The following PKD1L1 variants were observed in gnomAD, a reference collection of about 807,000 sequenced individuals.
The protein encoded by PKD1L1 is polycystin 1 like 1, transient receptor potential channel interacting.
PKD1L1 carries 236 observed loss-of-function variants against 323.4 expected under a neutral mutation model. The observed-to-expected ratio is 0.73, with a 90% CI of 0.66 to 0.81. The LOEUF is 0.81. Ranked by LOEUF, PKD1L1 falls within the 40% of genes least tolerant of loss-of-function variation. PKD1L1 has a pLI of 0.00. For missense variants in PKD1L1, 3,320 were observed against 3,508.0 expected, an observed-to-expected ratio of 0.95 and a Z score of 1.35; for synonymous variants, 1,344 against 1,335.0, an observed-to-expected ratio of 1.01 and a Z score of -0.15.
intron 56 of PKD1L1, among the ~76,000 whole-genome samples, chr7:47,779,796 G>T (rs1282315834): frequency 2.0e-5 from 3 of 152,192 alleles, no homozygotes; most frequent in Non-Finnish European, 4.4e-5. Context: ...CAGAAGCTCA[G>T]ATGCCTTCAT....
At chr7:47,927,516 G>A (rs574898524) in intron 7 of PKD1L1, among the ~76,000 whole-genome samples, 1 of 151,992 alleles carries the variant, frequency 6.6e-6, no homozygotes, top group South Asian at 2.1e-4. Flanking sequence ...CACCCGCCTC[G>A]GTCTCCCAAA....
intron 26 of PKD1L1, among the ~76,000 whole-genome samples, chr7:47,863,791 G>A (rs1234016157): frequency 6.6e-6 from 1 of 152,118 alleles, no homozygotes; most frequent in Non-Finnish European, 1.5e-5. Flanking sequence ...AGAAGGCCGA[G>A]GTGGGAGGAT....
In PKD1L1 at chr7:47,890,651, G is replaced by A. The variant is rs1212018196; in HGVS notation, c.2566C>T (p.Leu856Phe). The A allele has an allele frequency of 1.2e-6, 2 of 1,614,130 alleles. No individual in the cohort carries two copies. Among genetic ancestry groups the A allele is most frequent in the Non-Finnish European group, 1.7e-6 (2 of 1,180,028 alleles). The change falls in exon 16 of 57, where the codon CTC becomes TTC. Residue 856 changes from leucine to phenylalanine, a missense_variant. Physicochemically the swap from Leu to Phe is conservative, Grantham distance 22. Transcript: ENST00000289672. ...APTVSFEAQWLSDSYDQFLVM... is the reference protein window; with the variant it reads ...APTVSFEAQWFSDSYDQFLVM... Reference sequence around the variant, plus strand: ...AGGAACTGATCATAGCTGTCACTGAGCCATTGTGCCTCAAAGGAAACAGTG... The same window carrying A: ...AGGAACTGATCATAGCTGTCACTGAACCATTGTGCCTCAAAGGAAACAGTG...
intron 24 of PKD1L1, among the ~76,000 whole-genome samples, chr7:47,869,949 C>T (rs570315053): frequency 1.3e-5 from 2 of 152,022 alleles, no homozygotes; most frequent in African/African-American, 2.4e-5. Flanking sequence ...TGGAAAATTA[C>T]AAATATGTAA....
chr7:47,929,363 CCACTT>C lies in PKD1L1; in HGVS notation c.896_900del (p.Glu299GlyfsTer33). 1 of 1,614,184 alleles carries C rather than the reference CCACTT, an allele frequency of 6.2e-7. No individual in the cohort carries two copies. The highest frequency in any genetic ancestry group is 8.5e-7 in the Non-Finnish European group (1 of 1,180,036). On this transcript the variant is annotated frameshift_variant, in exon 7 of 57. Transcript: ENST00000289672. LOFTEE classifies it high-confidence loss of function. The stretch of plus-strand genomic sequence containing the variant: ...CCCAGATTTGGAGGTGCCCGAGCTT[CCACTT>C]CCAGGGAGCAATTAAGAACAGGGTT...
chr7:47,885,011 GA>G (rs1383587606), intron 18 of PKD1L1, among the ~76,000 whole-genome samples: 1 of 152,166 alleles, frequency 6.6e-6, no homozygotes, highest in African/African-American at 2.4e-5. Flanking sequence ...TTCTTTTAGA[GA>G]AAATGTCTCA....
At chr7:47,922,431 C>T (rs1787564834) in intron 7 of PKD1L1, among the ~76,000 whole-genome samples, 1 of 151,290 alleles carries the variant, frequency 6.6e-6, no homozygotes, top group Non-Finnish European at 1.5e-5. Flanking sequence ...GTGAGGAGCA[C>T]CTCTTCCCGG....
chr7:47,917,886 G>A (rs1787461318), intron 7 of PKD1L1, among the ~76,000 whole-genome samples: 1 of 151,806 alleles, frequency 6.6e-6, no homozygotes, highest in Non-Finnish European at 1.5e-5. Context: ...AAATCTCACA[G>A]GACCTATAAA....
At chr7:47,815,522 A>G (rs900000310) in intron 46 of PKD1L1, 65 bp from the exon 47 acceptor site, 45 of 1,548,770 alleles carry the variant, frequency 2.9e-5, no homozygotes, top group Non-Finnish European at 4.0e-5. Context: ...ACGTGAGAAC[A>G]AAAGCATGTT....
In PKD1L1 at chr7:47,881,964, A is replaced by C. The variant is rs1786563880; in HGVS notation, c.3387T>G (p.Ile1129Met). Residue 1129 changes from isoleucine to methionine, a missense_variant, in exon 20 of 57, where the codon ATT (isoleucine) becomes ATG (methionine). Physicochemically the swap from Ile to Met is conservative, Grantham distance 10. Transcript: ENST00000289672. ...GACCCAGCAGGGCCTTGGGCCAGTC[A>C]ATCATGAGGACAGGCTCGGCTCTGC... ...SAGRAEPVLM[I>M]DWPKALLGRA... 1 of 1,613,664 alleles carries C rather than the reference A, an allele frequency of 6.2e-7. No homozygotes were observed. The highest frequency in any genetic ancestry group is 1.7e-5 in the Admixed American group (1 of 59,852).
intron 56 of PKD1L1, among the ~76,000 whole-genome samples, chr7:47,790,386 A>G (rs1700663543): frequency 6.6e-6 from 1 of 151,064 alleles, no homozygotes. Flanking sequence ...CTGGAGGTGC[A>G]GTGGCACAAT....
Position 47,890,613 on chromosome 7 carries a change from C to T in PKD1L1, c.2604G>A (p.Arg868=), listed in dbSNP as rs780124331. The T allele has an allele frequency of 3.7e-5, 60 of 1,614,046 alleles. No homozygotes were observed. Among genetic ancestry groups the T allele is most frequent in the Admixed American group, 1.2e-4 (7 of 59,996 alleles). ...AAGAGTTCCGGCCACCACTGGAGAC[C>T]CTCAGCATCACAAGGAACTGATCAT... The part of the protein sequence containing the change: ...DSYDQFLVML[R]VSSGGRNSSE... Residue 868 remains arginine, a synonymous_variant, in exon 16 of 57, where the codon AGG becomes AGA. Transcript: ENST00000289672.
At chr7:47,944,290 G>A (rs141035324) in intron 1 of PKD1L1, among the ~76,000 whole-genome samples, 1 of 151,934 alleles carries the variant, frequency 6.6e-6, no homozygotes, top group South Asian at 2.1e-4. Flanking sequence ...TCCTGCTGTC[G>A]CCATGTGATG....
intron 31 of PKD1L1, among the ~76,000 whole-genome samples, chr7:47,851,960 A>AT (rs990992957): frequency 6.6e-6 from 1 of 152,236 alleles, no homozygotes; most frequent in African/African-American, 2.4e-5. Flanking sequence ...TATAGAAGGC[A>AT]TTTGGGGGGA....
rs147948906 is a variant in PKD1L1, at chr7:47,792,776, C to T, written c.8377G>A (p.Ala2793Thr). Reference protein sequence around the residue: ...ENHNYYLDEFANLLDELLMKI... With the variant: ...ENHNYYLDEFTNLLDELLMKI... ...ATCAGAAGTTCGTCTAACAGATTTG[C>T]AAATTCATCCAAGTAGTAATTCTGA... The change falls in exon 56 of 57, where the codon GCA becomes ACA. Residue 2793 changes from alanine to threonine, a missense_variant. By Grantham distance (58) the Ala-to-Thr change is moderately conservative (BLOSUM62 0). Coordinates refer to ENST00000289672, the MANE Select transcript of PKD1L1 (RefSeq NM_138295.5). 3.1e-6 allele frequency: 5 copies of T among 1,613,340 alleles called. No homozygotes were observed. In the African/African-American group the frequency reaches 5.3e-5, roughly 17 times the overall value.
chr7:47,922,567 C>T (rs528237779), intron 7 of PKD1L1, among the ~76,000 whole-genome samples: 1 of 152,006 alleles, frequency 6.6e-6, no homozygotes, highest in East Asian at 1.9e-4. Context: ...GCCGCGACCC[C>T]GTCTGGGAAC....
chr7:47,948,787 G>A (rs1016833606), upstream of PKD1L1, among the ~76,000 whole-genome samples: 7 of 151,938 alleles, frequency 4.6e-5, no homozygotes, highest in Non-Finnish European at 7.4e-5. Flanking sequence ...GTGAAACCCC[G>A]TCTCTACTAA....
chr7:47,953,665 A>G, the PKD1L1 span, among the ~76,000 whole-genome samples: 1 of 152,212 alleles, frequency 6.6e-6, no homozygotes, highest in Non-Finnish European at 1.5e-5. Context: ...TAGATTTAAG[A>G]CTGCATGCTC....
At chr7:47,941,890 G>A (rs759079865) in intron 2 of PKD1L1, among the ~76,000 whole-genome samples, 47 of 152,186 alleles carry the variant, frequency 3.1e-4, no homozygotes, top group Non-Finnish European at 5.1e-4. Context: ...AATAAAGTAT[G>A]TCACAAAAGG....
Sources: gnomAD v4.1 joint callset for allele counts (sites outside exome capture counted in the v4.1 genomes callset) on GRCh38, gnomAD v4.1.1 for gene constraint, MANE v1.5 for transcripts, NCBI Gene and HGNC (gene_info 2026-07-23, HGNC 2026-07-21) for gene names.